STX18: variants seen among roughly 807,000 people sequenced by gnomAD.
STX18 encodes syntaxin 18.
A neutral mutation model predicts 50.1 loss-of-function variants in STX18; 40 were observed. The ratio of observed to expected loss-of-function variants is 0.80; its 90% CI spans 0.62 to 1.04. STX18 has a LOEUF of 1.04. STX18 is among the 50% of genes least tolerant of loss of function. STX18 has a pLI of 0.00. For missense variants in STX18, 410 were observed against 415.8 expected (o/e 0.99, Z 0.12); for synonymous variants, 158 against 151.8 (o/e 1.04, Z -0.30).
At chr4:4,503,267 T>C (rs1729539571) in intron 1 of STX18, among the ~76,000 whole-genome samples, 1 of 152,196 alleles carries the variant, frequency 6.6e-6, no homozygotes, top group Non-Finnish European at 1.5e-5. Flanking sequence ...AAGAATGAAA[T>C]TGATATTAAA....
intron 8 of STX18, among the ~76,000 whole-genome samples, chr4:4,424,886 G>A (rs890941327): frequency 5.9e-5 from 9 of 152,130 alleles, no homozygotes; most frequent in Admixed American, 3.3e-4. Flanking sequence ...GAAATTATAC[G>A]CAGGTAATCT....
At chr4:4,450,174 G>A (rs546880716) in intron 5 of STX18, among the ~76,000 whole-genome samples, 4 of 152,232 alleles carry the variant, frequency 2.6e-5, no homozygotes, top group South Asian at 2.1e-4. Flanking sequence ...GTGTACATAC[G>A]TACACATTTA....
At chr4:4,439,429 C>T (rs371438241) in intron 5 of STX18, among the ~76,000 whole-genome samples, 1 of 111,780 alleles carries the variant, frequency 8.9e-6, no homozygotes, top group African/African-American at 3.6e-5. Flanking sequence ...GTATATATAC[C>T]CCCCACATAT....
intron 1 of STX18, among the ~76,000 whole-genome samples, chr4:4,539,117 C>G (rs549832937): frequency 6.6e-6 from 1 of 152,218 alleles, no homozygotes; most frequent in South Asian, 2.1e-4. Flanking sequence ...ATAACCTCTA[C>G]AACAATTCAG....
intron 3 of STX18, among the ~76,000 whole-genome samples, chr4:4,458,734 A>C (rs1156378431): frequency 1.3e-5 from 2 of 152,218 alleles, no homozygotes; most frequent in African/African-American, 2.4e-5. Context: ...CTTAATGCTC[A>C]TAACAACCCT....
At chr4:4,469,003 A>T (rs550830842) in intron 2 of STX18, among the ~76,000 whole-genome samples, 10 of 152,242 alleles carry the variant, frequency 6.6e-5, no homozygotes, top group Non-Finnish European at 4.4e-5. Context: ...CCTCAAAAAC[A>T]TGTGGAGTAA....
rs907418282 is a variant in STX18 at position 4,541,986 on chromosome 4, C to G, written c.-22G>C. On this transcript the variant is annotated 5_prime_UTR_variant, in exon 1 of 11. Coordinates refer to ENST00000306200, the MANE Select transcript of STX18 (RefSeq NM_016930.4). ...CCATAGCGACCCGCACCCTCAGCCCCACACTAGGCCCGCCCACGTAAGCAG... is the reference window on the plus strand; with the variant it reads ...CCATAGCGACCCGCACCCTCAGCCCGACACTAGGCCCGCCCACGTAAGCAG... 5 of 1,564,680 alleles carry G rather than the reference C, an allele frequency of 3.2e-6. No individual in the cohort carries two copies. Among genetic ancestry groups the G allele is most frequent in the African/African-American group, 1.4e-5 (1 of 72,418 alleles).
chr4:4,527,041 T>C (rs1730802800), intron 1 of STX18, among the ~76,000 whole-genome samples: 1 of 152,170 alleles, frequency 6.6e-6, no homozygotes. Context: ...CCTCTTGTCA[T>C]TGCTTGCTTA....
chr4:4,474,033 T>C (rs1472445844), intron 1 of STX18, among the ~76,000 whole-genome samples: 3 of 152,048 alleles, frequency 2.0e-5, no homozygotes, highest in African/African-American at 7.2e-5. Context: ...AGCCTCCAAG[T>C]CCCAGGCCTT....
chr4:4,537,307 G>T (rs533802291), intron 1 of STX18, among the ~76,000 whole-genome samples: 1 of 152,274 alleles, frequency 6.6e-6, no homozygotes, highest in Admixed American at 6.5e-5. Flanking sequence ...CACTGTCCCA[G>T]GCACTGTGAG....
chr4:4,424,747 G>A (rs1725156350), intron 8 of STX18, among the ~76,000 whole-genome samples: 1 of 152,196 alleles, frequency 6.6e-6, no homozygotes, highest in Admixed American at 6.5e-5. Context: ...CTGACTCCCT[G>A]GTGGGTACAG....
chr4:4,538,429 A>G (rs9991216), intron 1 of STX18, among the ~76,000 whole-genome samples: 24,127 of 152,196 alleles, frequency 0.16, 1,995 homozygotes, highest in Admixed American at 0.18. Context: ...CTGATTCATC[A>G]GTACCTGCTC....
chr4:4,530,818 G>A (rs569069509), intron 1 of STX18, among the ~76,000 whole-genome samples: 30 of 151,986 alleles, frequency 2.0e-4, no homozygotes, highest in South Asian at 1.7e-3. Flanking sequence ...TGTTGCCCAG[G>A]CTGGTCTTGA....
intron 6 of STX18, among the ~76,000 whole-genome samples, chr4:4,436,792 C>T (rs2108786737): frequency 6.6e-6 from 1 of 152,306 alleles, no homozygotes. Context: ...CCCACCTCTC[C>T]TCCCACTGAT....
intron 2 of STX18, among the ~76,000 whole-genome samples, chr4:4,465,840 A>G (rs1459540162): frequency 6.6e-6 from 1 of 152,212 alleles, no homozygotes; most frequent in African/African-American, 2.4e-5. Flanking sequence ...ACCTGTTGAC[A>G]TGAATACCTT....
intron 1 of STX18, among the ~76,000 whole-genome samples, chr4:4,494,490 G>C (rs774512068): frequency 1.3e-5 from 2 of 152,032 alleles, no homozygotes; most frequent in Non-Finnish European, 2.9e-5. Flanking sequence ...ACATTACAGA[G>C]CATATTCCAT....
At chr4:4,458,976 A>T (rs1175690032) in intron 3 of STX18, among the ~76,000 whole-genome samples, 1 of 151,936 alleles carries the variant, frequency 6.6e-6, no homozygotes, top group Non-Finnish European at 1.5e-5. Flanking sequence ...CATCCCACTA[A>T]ATGCCACACA....
At chr4:4,513,239 G>C (rs528382956) in intron 1 of STX18, among the ~76,000 whole-genome samples, 2 of 152,000 alleles carry the variant, frequency 1.3e-5, no homozygotes, top group African/African-American at 4.8e-5. Context: ...TTCTGATAGA[G>C]GGGGGGACCC....
chr4:4,430,727 A>T (rs1488599411), intron 7 of STX18, among the ~76,000 whole-genome samples: 1 of 152,236 alleles, frequency 6.6e-6, no homozygotes, highest in Non-Finnish European at 1.5e-5. Context: ...CAATGCACAG[A>T]CATGGCAGTA....
Sources: gnomAD v4.1 joint callset for allele counts (sites outside exome capture counted in the v4.1 genomes callset) on GRCh38, gnomAD v4.1.1 for gene constraint, MANE v1.5 for transcripts, NCBI Gene and HGNC (gene_info 2026-07-23, HGNC 2026-07-21) for gene names.